SEC23B: variants seen among roughly 807,000 people sequenced by gnomAD.
SEC23B encodes protein transport protein Sec23B.
In SEC23B, 77 loss-of-function variants were observed where a neutral mutation model predicts 104.3. The ratio of observed to expected loss-of-function variants is 0.74; its 90% CI spans 0.61 to 0.89. The LOEUF (loss-of-function observed/expected upper bound fraction) is 0.89, where lower values mean the gene tolerates loss of function less well. Among genes scored for constraint, SEC23B ranks in the 40% least tolerant of loss-of-function variants. The pLI is 0.00. For missense variants in SEC23B, 885 were observed against 949.4 expected, an observed-to-expected ratio of 0.93 and a Z score of 0.89; for synonymous variants, 338 against 332.5, an observed-to-expected ratio of 1.02 and a Z score of -0.18.
In SEC23B at chr20:18,560,652, A is replaced by G; in HGVS notation, c.2216A>G (p.Glu739Gly). The change falls in exon 20 of 20, where the codon GAA becomes GGA. Residue 739 changes from glutamate (E) to glycine (G), a missense_variant and splice_region_variant. Physicochemically the swap from Glu to Gly is moderately conservative, Grantham distance 98. Transcript: ENST00000650089. The part of the protein sequence containing the change: ...THNNLYAWGQ[E>G]TGAPILTDDV... Reference sequence around the variant, plus strand: ...CTAATCTTTATCATTACATTTCAGGAAACTGGAGCACCCATCCTAACTGAT... The same window carrying G: ...CTAATCTTTATCATTACATTTCAGGGAACTGGAGCACCCATCCTAACTGAT... The G allele has an allele frequency of 6.2e-7, 1 of 1,613,024 alleles. No individual in the cohort carries two copies. Among genetic ancestry groups the G allele is most frequent in the Non-Finnish European group, 8.5e-7 (1 of 1,178,986 alleles).
intron 1 of SEC23B, among the ~76,000 whole-genome samples, chr20:18,508,716 CTTTTTT>C (rs398035473): frequency 6.2e-5 from 6 of 97,482 alleles, no homozygotes; most frequent in East Asian, 3.3e-4. Flanking sequence ...GCAGTAGCTT[CTTTTTT>C]TTTTTTTTTT....
chr20:18,544,664 C>T (rs1448619058), intron 14 of SEC23B, among the ~76,000 whole-genome samples: 3 of 152,100 alleles, frequency 2.0e-5, no homozygotes, highest in East Asian at 1.9e-4. Flanking sequence ...GATTGTTAAG[C>T]GGGGGTTTGA....
chr20:18,546,057 T>C, intron 15 of SEC23B, 24 bp downstream of exon 15: 1 of 1,213,778 alleles, frequency 8.2e-7, no homozygotes, highest in Non-Finnish European at 1.2e-6. Flanking sequence ...GTTTCTAAAA[T>C]AACTACAGAG....
Position 18,523,397 on chromosome 20 carries a change from C to CTTTTT in SEC23B, c.367-1024_367-1020dup, listed in dbSNP as rs112136906. On this transcript the variant is annotated intron_variant, in intron 4 of 19. Transcript: ENST00000650089. ...TTCTCTTTCTTTGTTTCTTTCCTTT[C>CTTTTT]TTTTTTTTTTTTTTTTCTTTTTTTA... Among the ~76,000 whole-genome samples, 101 of 130,556 alleles carry CTTTTT rather than the reference C, an allele frequency of 7.7e-4. 2 individuals carry two copies. The highest frequency in any genetic ancestry group is 4.6e-3 in the Middle Eastern group (1 of 218). 85.6% of individuals were successfully genotyped at this position (130,556 alleles called of 152,430 possible).
At chr20:18,533,389 C>T (rs1754104040) in intron 11 of SEC23B, among the ~76,000 whole-genome samples, 2 of 152,188 alleles carry the variant, frequency 1.3e-5, no homozygotes, top group Non-Finnish European at 2.9e-5. Context: ...GTTACACAGT[C>T]ATGTTCTTCC....
chr20:18,536,975 G>A (rs2060237739), intron 12 of SEC23B, among the ~76,000 whole-genome samples: 1 of 152,186 alleles, frequency 6.6e-6, no homozygotes, highest in African/African-American at 2.4e-5. Flanking sequence ...AGGAGGAGGA[G>A]GAAGAGGAGG....
At chr20:18,518,204 T>C (rs58599596) in intron 4 of SEC23B, among the ~76,000 whole-genome samples, 14,356 of 152,266 alleles carry the variant, frequency 0.094, 866 homozygotes, top group East Asian at 0.27. Flanking sequence ...GAATTATGTC[T>C]GACAAAAGGG....
At chr20:18,531,399 G>A (rs866394523) in intron 10 of SEC23B, among the ~76,000 whole-genome samples, 2 of 152,146 alleles carry the variant, frequency 1.3e-5, no homozygotes, top group Non-Finnish European at 2.9e-5. Context: ...GCTCATGCTT[G>A]TAATCCCAGC....
intron 12 of SEC23B, among the ~76,000 whole-genome samples, chr20:18,539,368 G>T (rs2060266755): frequency 6.6e-6 from 1 of 150,606 alleles, no homozygotes; most frequent in Admixed American, 6.6e-5. Flanking sequence ...AAATTAGCTG[G>T]GTGTGGTGGC....
intron 19 of SEC23B, among the ~76,000 whole-genome samples, chr20:18,556,225 G>A (rs147260718): frequency 0.014 from 2,064 of 152,206 alleles, 39 homozygotes; most frequent in African/African-American, 0.038. Context: ...TTCCTAACAG[G>A]CCAAGGACTG....
At chr20:18,514,553 ATC>A (rs2060008385) in intron 3 of SEC23B, among the ~76,000 whole-genome samples, 2 of 152,244 alleles carry the variant, frequency 1.3e-5, no homozygotes, top group Non-Finnish European at 2.9e-5. Flanking sequence ...TGGAGTGATC[ATC>A]TGCTCACTTT....
chr20:18,548,335 A>G (rs2060352726), intron 15 of SEC23B, among the ~76,000 whole-genome samples: 1 of 152,268 alleles, frequency 6.6e-6, no homozygotes, highest in Admixed American at 6.5e-5. Flanking sequence ...TTTTAAGCAT[A>G]CCGTTGAGTA....
Position 18,525,967 on chromosome 20 carries a change from A to G in SEC23B, c.834+35A>G, listed in dbSNP as rs775154043. On this transcript the variant is annotated intron_variant, in intron 7 of 19. Transcript: ENST00000650089. ...AATTTACCAGGACCTCTCAAATCAT[A>G]CAAATGTGCTCTCAGAAAATATATT... 1.9e-6 allele frequency: 3 copies of G among 1,604,682 alleles called. No individual in the cohort carries two copies. In the South Asian group the frequency reaches 3.3e-5, roughly 18 times the overall value.
chr20:18,554,548 C>A (rs1200407166), intron 18 of SEC23B, among the ~76,000 whole-genome samples, 158 bp downstream of exon 18: 1 of 152,120 alleles, frequency 6.6e-6, no homozygotes, highest in Admixed American at 6.5e-5. Context: ...AGTGGTCAGG[C>A]CAAGCGCGGT....
Position 18,525,882 on chromosome 20 carries a change from C to A in SEC23B, c.784C>A (p.Pro262Thr), listed in dbSNP as rs764068428. 6 of 1,614,138 alleles carry A rather than the reference C, an allele frequency of 3.7e-6. No individual in the cohort carries two copies. In the South Asian group the frequency reaches 6.6e-5, roughly 18 times the overall value. Reference protein sequence around the residue: ...DPWPVTQGKRPLRSTGVALSI... With the variant: ...DPWPVTQGKRTLRSTGVALSI... ...ATGGCCAGTAACTCAGGGGAAGAGA[C>A]CTTTGCGATCCACTGGTGTGGCTTT... Residue 262 changes from proline to threonine, a missense_variant, in exon 7 of 20, where the codon CCT becomes ACT. Coordinates refer to ENST00000650089, the MANE Select transcript of SEC23B (RefSeq NM_006363.6).
Position 18,525,018 on chromosome 20 carries a change from C to T in SEC23B, c.687C>T (p.Ser229=). 6.2e-7 allele frequency: 1 copy of T among 1,613,890 alleles called. No homozygotes were observed. The highest frequency in any genetic ancestry group is 8.5e-7 in the Non-Finnish European group (1 of 1,179,900). Residue 229 remains serine, a splice_region_variant and synonymous_variant, in exon 6 of 20, where the codon AGC becomes AGT. Coordinates refer to ENST00000650089, the MANE Select transcript of SEC23B (RefSeq NM_006363.6). The part of the protein sequence containing the change: ...AQPQEHPFAS[S]RFLQPVHKID... ...CACAGGAGCACCCTTTTGCTTCAAG[C>T]AGGTGAGAGCCCAACATGGAGTGTT... is the stretch of plus-strand genomic sequence containing the variant.
At chr20:18,545,371 C>T (rs1369799648) in intron 14 of SEC23B, among the ~76,000 whole-genome samples, 1 of 152,278 alleles carries the variant, frequency 6.6e-6, no homozygotes, top group South Asian at 2.1e-4. Flanking sequence ...GGGCAGTCAC[C>T]TGGCTCATGC....
At position 18,551,145 on chromosome 20, in the gene SEC23B, T is replaced by G. The variant is rs145477825; in HGVS notation, c.1962T>G (p.Thr654=). The change falls in exon 17 of 20, where the codon ACT becomes ACG. Residue 654 remains threonine (T), a synonymous_variant. Transcript: ENST00000650089. ...CTGACAGAATTTTGCTGATGGATAC[T>G]TTCTTTCAAATTGTCATTTATCTTG... The part of the protein sequence containing the change: ...ILADRILLMD[T]FFQIVIYLGE... 5.6e-6 allele frequency: 9 copies of G among 1,598,566 alleles called. No individual in the cohort carries two copies. In the African/African-American group the frequency reaches 1.2e-4, roughly 21 times the overall value.
chr20:18,553,249 G>C (rs370834427), intron 17 of SEC23B, among the ~76,000 whole-genome samples: 1 of 152,216 alleles, frequency 6.6e-6, no homozygotes, highest in Non-Finnish European at 1.5e-5. Context: ...TGGTGAGCTC[G>C]TGGGCATTTC....
Sources: gnomAD v4.1 joint callset for allele counts (sites outside exome capture counted in the v4.1 genomes callset) on GRCh38, gnomAD v4.1.1 for gene constraint, MANE v1.5 for transcripts, NCBI Gene and HGNC (gene_info 2026-07-23, HGNC 2026-07-21) for gene names.